The following MYO5A variants were observed in gnomAD, a reference collection of about 807,000 sequenced individuals.
MYO5A encodes unconventional myosin-Va.
A neutral mutation model predicts 249.7 loss-of-function variants in MYO5A; 98 were observed. That is an observed-to-expected ratio of 0.39 (90% CI 0.33 to 0.46). The LOEUF (loss-of-function observed/expected upper bound fraction) is 0.46. MYO5A is among the 20% of genes least tolerant of loss of function. The pLI is 0.98. For missense variants in MYO5A, 1,696 were observed against 2,308.8 expected, an observed-to-expected ratio of 0.73 and a Z score of 5.44; for synonymous variants, 778 against 810.6, an observed-to-expected ratio of 0.96 and a Z score of 0.68.
At chr15:52,498,412 A>G (rs768560620) in intron 1 of MYO5A, among the ~76,000 whole-genome samples, 15 of 152,200 alleles carry the variant, frequency 9.9e-5, no homozygotes, top group South Asian at 2.1e-4. Context: ...AAACTGCCCT[A>G]TAGAAAGACT....
At chr15:52,365,924 C>T (rs2040784427) in intron 23 of MYO5A, among the ~76,000 whole-genome samples, 2 of 152,172 alleles carry the variant, frequency 1.3e-5, no homozygotes, top group Admixed American at 1.3e-4. Flanking sequence ...CTCCCAGCAG[C>T]CTTCTTTCCA....
At chr15:52,404,685 C>T (rs1292678961) in intron 9 of MYO5A, among the ~76,000 whole-genome samples, 1 of 151,998 alleles carries the variant, frequency 6.6e-6, no homozygotes, top group East Asian at 1.9e-4. Flanking sequence ...GCCTGTGAGA[C>T]GTGAGTAAGA....
intron 24 of MYO5A, among the ~76,000 whole-genome samples, chr15:52,360,345 T>C (rs540548162): frequency 3.3e-4 from 51 of 152,328 alleles, no homozygotes; most frequent in Non-Finnish European, 5.6e-4. Flanking sequence ...TCGAGTCCCC[T>C]TTGGGTGTTG....
chr15:52,325,417 T>C (rs1165986342), intron 36 of MYO5A, among the ~76,000 whole-genome samples: 1 of 151,822 alleles, frequency 6.6e-6, no homozygotes, highest in East Asian at 1.9e-4. Context: ...ACTTTTTTTT[T>C]TTTTTTTTGA....
chr15:52,519,888 G>A (rs555766467), intron 1 of MYO5A, among the ~76,000 whole-genome samples: 6 of 151,944 alleles, frequency 3.9e-5, no homozygotes, highest in Admixed American at 3.3e-4. Context: ...ACGCCACCAC[G>A]CCCGGCTAAT....
rs186703760 is a variant in MYO5A, at chr15:52,442,446, A to C, written c.28-9161T>G. Among the ~76,000 whole-genome samples, 90 of 152,322 alleles carry C rather than the reference A, an allele frequency of 5.9e-4. 2 individuals are homozygous for C. The highest frequency in any genetic ancestry group is 5.8e-3 in the South Asian group (28 of 4,814). ...GAAGAGCAGAAGTGTCCTGTACCTC[A>C]CTGCAGCGTCACAGAAATGCTGCCG... On this transcript the variant is annotated intron_variant, in intron 1 of 41. Coordinates refer to ENST00000399233, the MANE Select transcript of MYO5A (RefSeq NM_001382347.1).
chr15:52,459,690 C>G (rs1463269055), intron 1 of MYO5A, among the ~76,000 whole-genome samples: 1 of 152,260 alleles, frequency 6.6e-6, no homozygotes, highest in Non-Finnish European at 1.5e-5. Flanking sequence ...GGGTACACCT[C>G]CCAGACGGGG....
chr15:52,353,482 GA>G, intron 27 of MYO5A, 122 bp downstream of exon 27: 1 of 816,888 alleles, frequency 1.2e-6, no homozygotes, highest in Non-Finnish European at 2.1e-6. Context: ...GAATAAGGCT[GA>G]AGCTAGGACC....
chr15:52,374,821 G>C (rs1309423017), intron 20 of MYO5A, among the ~76,000 whole-genome samples: 1 of 152,154 alleles, frequency 6.6e-6, no homozygotes, highest in Non-Finnish European at 1.5e-5. Context: ...AATTAATTTT[G>C]GCTGTTTTAA....
At chr15:52,351,787 A>C (rs2039967152) in intron 27 of MYO5A, among the ~76,000 whole-genome samples, 1 of 152,172 alleles carries the variant, frequency 6.6e-6, no homozygotes. Context: ...CCAAGGGGTG[A>C]GTTTAGCCAG....
At chr15:52,509,122 C>T (rs1403422176) in intron 1 of MYO5A, among the ~76,000 whole-genome samples, 2 of 152,118 alleles carry the variant, frequency 1.3e-5, no homozygotes, top group Non-Finnish European at 2.9e-5. Flanking sequence ...TGGGCATGTG[C>T]CACCACACCC....
At chr15:52,371,362 C>T (rs1258197898) in intron 21 of MYO5A, among the ~76,000 whole-genome samples, 3 of 152,166 alleles carry the variant, frequency 2.0e-5, no homozygotes, top group African/African-American at 7.2e-5. Flanking sequence ...CAACAGATTG[C>T]AAGTTCATCA....
intron 1 of MYO5A, among the ~76,000 whole-genome samples, chr15:52,477,404 CAA>C (rs935162598): frequency 6.2e-4 from 95 of 152,346 alleles, no homozygotes; most frequent in African/African-American, 2.3e-3. Context: ...CTCAACTCGT[CAA>C]AGTCATTCTC....
At chr15:52,352,527 AT>A (rs2040004542) in intron 27 of MYO5A, among the ~76,000 whole-genome samples, 2 of 152,208 alleles carry the variant, frequency 1.3e-5, no homozygotes, top group African/African-American at 4.8e-5. Flanking sequence ...CACGCCTGTA[AT>A]CCCAGCACTT....
chr15:52,346,654 C>T (rs1252428673), intron 29 of MYO5A, 193 bp from the exon 30 acceptor site: 3 of 670,186 alleles, frequency 4.5e-6, no homozygotes, highest in Non-Finnish European at 8.2e-6. Flanking sequence ...GAGGTACCTT[C>T]AGTTTTTCTC....
chr15:52,366,152 T>G (rs1279968258), intron 23 of MYO5A, among the ~76,000 whole-genome samples: 1 of 152,188 alleles, frequency 6.6e-6, no homozygotes, highest in East Asian at 1.9e-4. Flanking sequence ...CTGGATTTGC[T>G]TTCTGAATAC....
intron 1 of MYO5A, among the ~76,000 whole-genome samples, chr15:52,455,222 A>C (rs567795120): frequency 2.0e-4 from 31 of 152,178 alleles, no homozygotes; most frequent in African/African-American, 7.5e-4. Flanking sequence ...GAATAAATTG[A>C]TAATTCCTGG....
intron 4 of MYO5A, among the ~76,000 whole-genome samples, chr15:52,421,778 A>T (rs886311272): frequency 1.3e-5 from 2 of 152,240 alleles, no homozygotes; most frequent in Non-Finnish European, 2.9e-5. Context: ...ATCATCAGTG[A>T]CACTGTTCCG....
chr15:52,416,809 A>C lies in MYO5A; in HGVS notation c.456-508T>G, dbSNP rs144955577. Among the ~76,000 whole-genome samples, 94 of 152,332 alleles carry C rather than the reference A, an allele frequency of 6.2e-4. 1 individual carries two copies. Among genetic ancestry groups the C allele is most frequent in the African/African-American group, 2.1e-3 (89 of 41,580 alleles). Reference sequence around the variant, plus strand: ...ACAGCTAGAGAAACAGGGTCTTCACAATGCCTGGGAAAGGAGGAGAGATAA... The same window carrying C: ...ACAGCTAGAGAAACAGGGTCTTCACCATGCCTGGGAAAGGAGGAGAGATAA... On this transcript the variant is annotated intron_variant, in intron 4 of 41. Transcript: ENST00000399233.
Sources: gnomAD v4.1 joint callset for allele counts (sites outside exome capture counted in the v4.1 genomes callset) on GRCh38, gnomAD v4.1.1 for gene constraint, MANE v1.5 for transcripts, NCBI Gene and HGNC (gene_info 2026-07-23, HGNC 2026-07-21) for gene names.